TIMP2: variants seen among roughly 807,000 people sequenced by gnomAD.
TIMP2 encodes metalloproteinase inhibitor 2.
Under a neutral mutation model 24.3 loss-of-function variants are expected in TIMP2, and 5 were observed. The ratio of observed to expected loss-of-function variants is 0.21; its 90% CI spans 0.11 to 0.43. TIMP2 has a LOEUF of 0.43. Among genes scored for constraint, TIMP2 ranks in the 20% least tolerant of loss-of-function variants. TIMP2 has a pLI of 1.00. For missense variants in TIMP2, 221 were observed against 297.5 expected, an observed-to-expected ratio of 0.74 and a Z score of 1.89; for synonymous variants, 130 against 123.2, an observed-to-expected ratio of 1.06 and a Z score of -0.37.
At chr17:78,903,177 G>C (rs1022638704) in intron 1 of TIMP2, 2 of 152,522 alleles carry the variant, frequency 1.3e-5, no homozygotes, top group African/African-American at 4.8e-5. Context: ...CTGCAGCCCG[G>C]CCTCTGCCCT....
chr17:78,922,764 A>G (rs2070317417), intron 1 of TIMP2, among the ~76,000 whole-genome samples: 3 of 152,174 alleles, frequency 2.0e-5, no homozygotes, highest in Admixed American at 1.3e-4. Flanking sequence ...GGCTGCAGCG[A>G]GCCGAGATTG....
intron 1 of TIMP2, among the ~76,000 whole-genome samples, chr17:78,923,830 G>C (rs988838453): frequency 6.6e-6 from 1 of 152,200 alleles, no homozygotes; most frequent in Non-Finnish European, 1.5e-5. Flanking sequence ...AGCCGTGGGC[G>C]GGGTATGGGA....
At chr17:78,879,232 C>T (rs984514719) in intron 1 of TIMP2, among the ~76,000 whole-genome samples, 2 of 152,188 alleles carry the variant, frequency 1.3e-5, no homozygotes, top group Non-Finnish European at 2.9e-5. Context: ...TTCCAATGCC[C>T]AGTGGTGGAC....
intron 1 of TIMP2, among the ~76,000 whole-genome samples, chr17:78,916,097 C>T (rs942937161): frequency 6.6e-6 from 1 of 152,152 alleles, no homozygotes; most frequent in African/African-American, 2.4e-5. Context: ...AACAAGAACA[C>T]AAAGACAGGG....
chr17:78,881,994 C>T (rs992581300), intron 1 of TIMP2, among the ~76,000 whole-genome samples: 2 of 152,114 alleles, frequency 1.3e-5, no homozygotes, highest in East Asian at 1.9e-4. Flanking sequence ...GATAGAGTTT[C>T]GCTCTTGTCG....
Position 78,897,108 on chromosome 17 carries a change from C to T in TIMP2, c.131-23189G>A, listed in dbSNP as rs967115470. On this transcript the variant is annotated intron_variant, in intron 1 of 4. Coordinates refer to ENST00000262768, the MANE Select transcript of TIMP2 (RefSeq NM_003255.5). ...CCCACAGACAGCACCCCCCCGCCCC[C>T]CGCCGGCCTCCTCACCCCCTCCGAA... 5 of 523,456 alleles carry T rather than the reference C, an allele frequency of 9.6e-6. No individual in the cohort carries two copies. In the African/African-American group the frequency reaches 1.0e-4, roughly 11 times the overall value. 32.4% of individuals were successfully genotyped at this position (523,456 alleles called of 1,614,324 possible).
chr17:78,870,824 C>G, intron 3 of TIMP2, 74 bp downstream of exon 3: 2 of 1,337,026 alleles, frequency 1.5e-6, no homozygotes, highest in African/African-American at 1.4e-5. Context: ...GCCTGGGAAA[C>G]GAGCCCTGGA....
chr17:78,916,677 C>G (rs2070261352), intron 1 of TIMP2, among the ~76,000 whole-genome samples: 1 of 152,194 alleles, frequency 6.6e-6, no homozygotes, highest in Non-Finnish European at 1.5e-5. Flanking sequence ...AGTGTCATCC[C>G]CCTCCTGTCT....
At position 78,857,510 on chromosome 17, in the gene TIMP2, G is replaced by C; in HGVS notation, c.465+12C>G. 1 of 1,614,100 alleles carries C rather than the reference G, an allele frequency of 6.2e-7. No individual in the cohort carries two copies. Among genetic ancestry groups the C allele is most frequent in the Non-Finnish European group, 8.5e-7 (1 of 1,180,002 alleles). ...AGGAGGCGATGCTCCAGCAGAGGCAGGACCTGCTTACCTTGCACTCGCAGC... is the reference window on the plus strand; with the variant it reads ...AGGAGGCGATGCTCCAGCAGAGGCACGACCTGCTTACCTTGCACTCGCAGC... On this transcript the variant is annotated intron_variant, in intron 4 of 4. Transcript: ENST00000262768.
chr17:78,900,096 G>A (rs188544137), intron 1 of TIMP2: 1 of 152,100 alleles, frequency 6.6e-6, no homozygotes, highest in Non-Finnish European at 1.5e-5. Context: ...GAAATCCCTC[G>A]AGGGCTTTTA....
At chr17:78,921,528 T>C (rs572409024) in intron 1 of TIMP2, among the ~76,000 whole-genome samples, 2 of 152,354 alleles carry the variant, frequency 1.3e-5, no homozygotes, top group South Asian at 4.1e-4. Context: ...GCTGGCTAAG[T>C]GGCTCCAGGC....
At position 78,855,773 on chromosome 17, in the gene TIMP2, T is replaced by C. The variant is rs2069520406; in HGVS notation, c.557A>G (p.His186Arg). Residue 186 changes from histidine (H) to arginine (R), a missense_variant, in exon 5 of 5, where the codon CAC (histidine) becomes CGC (arginine). His to Arg is a conservative substitution (Grantham distance 29, BLOSUM62 0). Coordinates refer to ENST00000262768, the MANE Select transcript of TIMP2 (RefSeq NM_003255.5). This position sits in a 1 kb window ranked among gnomAD's most constrained non-coding sequence, Gnocchi z 6.0. The part of the protein sequence containing the change: ...DWVTEKNING[H>R]QAKFFACIKR... Reference sequence around the variant, plus strand: ...GATGCAGGCGAAGAACTTGGCCTGGTGCCCGTTGATGTTCTTCTCTGTGAC... The same window carrying C: ...GATGCAGGCGAAGAACTTGGCCTGGCGCCCGTTGATGTTCTTCTCTGTGAC... 1.2e-6 allele frequency: 2 copies of C among 1,614,082 alleles called. No individual in the cohort carries two copies. Among genetic ancestry groups the C allele is most frequent in the African/African-American group, 2.7e-5 (2 of 74,934 alleles).
chr17:78,882,252 G>A (rs531734512), intron 1 of TIMP2, among the ~76,000 whole-genome samples: 10 of 152,338 alleles, frequency 6.6e-5, no homozygotes, highest in African/African-American at 2.2e-4. Context: ...GATTACAGGC[G>A]TGAGCCACCT....
intron 1 of TIMP2, among the ~76,000 whole-genome samples, chr17:78,893,235 ATG>A (rs34814400): frequency 4.5e-5 from 4 of 88,058 alleles, no homozygotes; most frequent in African/African-American, 9.3e-5. Context: ...GTGTGTGTGC[ATG>A]TGTGTGTAGG....
Position 78,924,907 on chromosome 17 carries a change from G to T in TIMP2, c.130+52C>A. The T allele has an allele frequency of 1.8e-6, 2 of 1,130,576 alleles. No homozygotes were observed. The highest frequency in any genetic ancestry group is 3.7e-5 in the South Asian group (1 of 26,672). The allele number at this position is 1,130,576 out of a possible 1,614,324, so 70.0% of individuals were successfully genotyped here. A position where few individuals can be genotyped will look rare whatever the true frequency, so the allele number is the denominator to read the frequency against. On this transcript the variant is annotated intron_variant, in intron 1 of 4. Transcript: ENST00000262768. This position sits in a 1 kb window ranked among gnomAD's most constrained non-coding sequence, Gnocchi z 5.3. ...GGGCGGGGCGTCTGCGAACCCTCGG[G>T]GTCGCGGGGGAGGTGGGGCCCCGCG... is the stretch of plus-strand genomic sequence containing the variant.
At position 78,924,072 on chromosome 17, in the gene TIMP2, T is replaced by A. The variant is rs1288804205; in HGVS notation, c.130+887A>T. ...AGAGGCTTGAGGTGCAGGACCAGGG[T>A]GGAAACTTCGAGCCAGCGGGTTCCT... On this transcript the variant is annotated intron_variant, in intron 1 of 4. Transcript: ENST00000262768. This position sits in a 1 kb window ranked among gnomAD's most constrained non-coding sequence, Gnocchi z 5.3. 6.6e-6 allele frequency among the ~76,000 whole-genome samples: 1 copy of A among 152,030 alleles called. No homozygotes were observed. The highest frequency in any genetic ancestry group is 1.5e-5 in the Non-Finnish European group (1 of 67,990).
At chr17:78,870,818 G>T in intron 3 of TIMP2, 80 bp downstream of exon 3, 1 of 1,279,560 alleles carries the variant, frequency 7.8e-7, no homozygotes, top group South Asian at 1.3e-5. Flanking sequence ...CCCCGAGCCT[G>T]GGAAACGAGC....
intron 1 of TIMP2, chr17:78,898,287 C>A: frequency 6.6e-6 from 1 of 152,374 alleles, no homozygotes; most frequent in Non-Finnish European, 1.5e-5. Flanking sequence ...AAGTAACTTG[C>A]CTAAGGCCAC....
chr17:78,924,828 A>T lies in TIMP2; in HGVS notation c.130+131T>A. The stretch of plus-strand genomic sequence containing the variant: ...TGGGCGTCCACTTGCAGGATTCGAG[A>T]AGGCGCCGAGGGACCAGGAGGCGGG... On this transcript the variant is annotated intron_variant, in intron 1 of 4. Coordinates refer to ENST00000262768, the MANE Select transcript of TIMP2 (RefSeq NM_003255.5). This position sits in a 1 kb window ranked among gnomAD's most constrained non-coding sequence, Gnocchi z 5.3. The T allele has an allele frequency of 2.3e-6, 1 of 438,948 alleles. No homozygotes were observed. Among genetic ancestry groups the T allele is most frequent in the Non-Finnish European group, 3.4e-6 (1 of 292,366 alleles). The allele number at this position is 438,948 out of a possible 1,614,324, so 27.2% of individuals were successfully genotyped here.
Sources: allele counts gnomAD v4.1 joint callset (sites outside exome capture counted in the v4.1 genomes callset), GRCh38; gene constraint gnomAD v4.1.1; non-coding constraint Gnocchi (gnomAD v3.1); transcripts MANE v1.5; gene names NCBI Gene and HGNC (gene_info 2026-07-23, HGNC 2026-07-21).